ZFHX3: variants seen among roughly 807,000 people sequenced by gnomAD.
ZFHX3 encodes the protein zinc finger homeobox protein 3.
In ZFHX3, 42 loss-of-function variants were observed where a neutral mutation model predicts 279.1. The ratio of observed to expected loss-of-function variants is 0.15; its 90% CI spans 0.12 to 0.19. The LOEUF (loss-of-function observed/expected upper bound fraction) is 0.19. Ranked by LOEUF, ZFHX3 falls within the 10% of genes least tolerant of loss-of-function variation. The probability of loss-of-function intolerance (pLI) is 1.00; values close to 1 mark genes in which losing one functional copy is unlikely to be tolerated. For missense variants in ZFHX3, 4,981 were observed against 4,754.0 expected, an observed-to-expected ratio of 1.05 and a Z score of -1.40; for synonymous variants, 2,293 against 1,957.8, an observed-to-expected ratio of 1.17 and a Z score of -4.52.
At chr16:73,101,159 C>T (rs1389385596) in intron 7 of ZFHX3, among the ~76,000 whole-genome samples, 3 of 152,152 alleles carry the variant, frequency 2.0e-5, no homozygotes, top group African/African-American at 4.8e-5. Context: ...TTCGATTCCT[C>T]TCCAACCTGT....
chr16:73,363,488 C>T (rs565595396), intron 3 of ZFHX3, among the ~76,000 whole-genome samples: 7 of 152,242 alleles, frequency 4.6e-5, no homozygotes, highest in African/African-American at 1.7e-4. Context: ...TGAATATGCA[C>T]TCAACGTAGA....
intron 2 of ZFHX3, among the ~76,000 whole-genome samples, chr16:73,546,502 G>A (rs971466749): frequency 3.3e-5 from 5 of 151,510 alleles, no homozygotes; most frequent in Admixed American, 6.6e-5. Flanking sequence ...TTGGCGGGGG[G>A]CGGGGGCGGG....
intron 5 of ZFHX3, among the ~76,000 whole-genome samples, chr16:72,815,853 G>A (rs1316831185): frequency 6.6e-6 from 1 of 152,204 alleles, no homozygotes; most frequent in African/African-American, 2.4e-5. Context: ...TGAAGCGTTA[G>A]TAACTCTAGT....
intron 1 of ZFHX3, among the ~76,000 whole-genome samples, chr16:73,884,647 G>C (rs113302514): frequency 0.023 from 3,442 of 152,258 alleles, 65 homozygotes; most frequent in Non-Finnish European, 0.032. Flanking sequence ...GTGGCTTTCA[G>C]AGTCTTTATT....
chr16:73,027,478 A>T (rs1964554288), intron 1 of ZFHX3, among the ~76,000 whole-genome samples: 1 of 152,168 alleles, frequency 6.6e-6, no homozygotes, highest in Non-Finnish European at 1.5e-5. Flanking sequence ...TTTTTATGGG[A>T]ATGCCTTTTT....
chr16:73,779,190 T>G (rs567040258), intron 1 of ZFHX3, among the ~76,000 whole-genome samples: 1 of 152,318 alleles, frequency 6.6e-6, no homozygotes, highest in East Asian at 1.9e-4. Context: ...AAGTATATCT[T>G]GGGAATTCTG....
chr16:73,131,048 G>A, exon 7 of ZFHX3: 4 of 1,228,972 alleles, frequency 3.3e-6, no homozygotes, highest in Non-Finnish European at 4.4e-6. Context: ...TCCAGGTCCT[G>A]TCCCTTGCTG....
chr16:72,819,235 A>G (rs962195456), intron 5 of ZFHX3, among the ~76,000 whole-genome samples: 1 of 27,104 alleles, frequency 3.7e-5, no homozygotes, highest in Non-Finnish European at 7.7e-5. Flanking sequence ...CCTCTCCCCC[A>G]CCCCCAATCT....
chr16:73,864,092 G>T (rs1961951230), intron 1 of ZFHX3, among the ~76,000 whole-genome samples: 1 of 152,088 alleles, frequency 6.6e-6, no homozygotes, highest in Admixed American at 6.5e-5. Context: ...TCTTTGGTGT[G>T]TGTTATCTAC....
At chr16:73,205,168 G>A (rs752970233) in intron 5 of ZFHX3, among the ~76,000 whole-genome samples, 50 of 152,136 alleles carry the variant, frequency 3.3e-4, no homozygotes, top group Admixed American at 7.2e-4. Context: ...GTCCCAAAAT[G>A]TAGGTATCTA....
At chr16:73,779,589 T>C (rs966240822) in intron 1 of ZFHX3, among the ~76,000 whole-genome samples, 2 of 152,142 alleles carry the variant, frequency 1.3e-5, no homozygotes, top group Non-Finnish European at 2.9e-5. Flanking sequence ...AAGGTCCTAA[T>C]CTACTAGGAC....
chr16:72,791,975 T>G (rs950601164), intron 9 of ZFHX3, among the ~76,000 whole-genome samples: 4 of 152,156 alleles, frequency 2.6e-5, no homozygotes, highest in Non-Finnish European at 4.4e-5. Context: ...AGGGACACAT[T>G]TTGAAGGCAA....
At chr16:72,831,286 A>G (rs1225272776) in intron 4 of ZFHX3, among the ~76,000 whole-genome samples, 1 of 152,152 alleles carries the variant, frequency 6.6e-6, no homozygotes, top group Non-Finnish European at 1.5e-5. Context: ...GGTCTGGAAA[A>G]CTGAACTAGT....
At chr16:73,806,506 T>G (rs1960279559) in intron 1 of ZFHX3, among the ~76,000 whole-genome samples, 1 of 152,090 alleles carries the variant, frequency 6.6e-6, no homozygotes, top group African/African-American at 2.4e-5. Context: ...GGGTCAGTCC[T>G]TGTACAGATA....
chr16:73,856,438 CA>C (rs1444665609), intron 1 of ZFHX3, among the ~76,000 whole-genome samples: 5 of 151,996 alleles, frequency 3.3e-5, no homozygotes, highest in Non-Finnish European at 7.4e-5. Context: ...CACCCCTTGG[CA>C]AGGGGGAAAA....
rs749178256 is a variant in ZFHX3 at position 72,950,932 on chromosome 16, C to A, written c.2753G>T (p.Gly918Val). 1.9e-6 allele frequency: 3 copies of A among 1,614,016 alleles called. No individual in the cohort carries two copies. Among genetic ancestry groups the A allele is most frequent in the South Asian group, 1.1e-5 (1 of 91,062 alleles). ...GGEIPLDMRL[G>V]GGQLVSEELM... Reference sequence around the variant, plus strand: ...CTCCTCTGACACCAGCTGCCCGCCCCCGAGCCGCATGTCTAGGGGGATCTC... The same window carrying A: ...CTCCTCTGACACCAGCTGCCCGCCCACGAGCCGCATGTCTAGGGGGATCTC... Residue 918 changes from glycine (G) to valine (V), a missense_variant, in exon 3 of 10, where the codon GGG becomes GTG. Coordinates refer to ENST00000268489, the MANE Select transcript of ZFHX3 (RefSeq NM_006885.4).
chr16:72,860,844 G>T (rs143365061), intron 4 of ZFHX3, among the ~76,000 whole-genome samples: 1 of 152,132 alleles, frequency 6.6e-6, no homozygotes, highest in East Asian at 1.9e-4. Context: ...GTCCTTTCTC[G>T]ATCTTTGCGC....
chr16:73,564,055 T>C (rs1014103546), intron 2 of ZFHX3, among the ~76,000 whole-genome samples: 8 of 152,238 alleles, frequency 5.3e-5, no homozygotes, highest in Admixed American at 2.0e-4. Context: ...GGATAGACCA[T>C]AGGCCAAGCC....
chr16:73,061,933 A>G (rs572067375), upstream of ZFHX3: 11 of 152,222 alleles, frequency 7.2e-5, no homozygotes, highest in Non-Finnish European at 1.5e-4. Flanking sequence ...ATGTTACAAT[A>G]TAGGAAAATG....
Sources: allele counts gnomAD v4.1 joint callset (sites outside exome capture counted in the v4.1 genomes callset), GRCh38; gene constraint gnomAD v4.1.1; transcripts MANE v1.5; gene names NCBI Gene and HGNC (gene_info 2026-07-23, HGNC 2026-07-21).